Variants in HECW1 observed in about 807,000 individuals in gnomAD.
The protein encoded by HECW1 is HECT, C2 and WW domain containing E3 ubiquitin protein ligase 1.
In HECW1, 61 loss-of-function variants were observed where a neutral mutation model predicts 182.3. The ratio of observed to expected loss-of-function variants is 0.33; its 90% CI spans 0.27 to 0.41. HECW1 has a LOEUF of 0.41. Among genes scored for constraint, HECW1 ranks in the 10% least tolerant of loss-of-function variants. The pLI is 1.00. For synonymous variants in HECW1, 859 were observed against 832.6 expected (o/e 1.03, Z -0.55); for missense variants, 1,739 against 2,108.9 (o/e 0.82, Z 3.44).
intron 2 of HECW1, among the ~76,000 whole-genome samples, chr7:43,133,070 G>A (rs1787134785): frequency 6.6e-6 from 1 of 151,984 alleles, no homozygotes; most frequent in South Asian, 2.1e-4. Context: ...GTTAACTAGT[G>A]CGTTTTTTCC....
chr7:43,307,927 CATAT>C (rs200897031), intron 3 of HECW1, among the ~76,000 whole-genome samples: 2 of 133,764 alleles, frequency 1.5e-5, no homozygotes, highest in African/African-American at 2.8e-5. Flanking sequence ...TACACACACA[CATAT>C]AGTGAAATGT....
chr7:43,380,799 G>A (rs1202645326), intron 6 of HECW1, among the ~76,000 whole-genome samples: 1 of 152,154 alleles, frequency 6.6e-6, no homozygotes, highest in Non-Finnish European at 1.5e-5. Flanking sequence ...GAAGTGCTGG[G>A]ATTACAGGCA....
At chr7:43,119,578 T>G (rs1203975509) in intron 2 of HECW1, among the ~76,000 whole-genome samples, 1 of 152,200 alleles carries the variant, frequency 6.6e-6, no homozygotes, top group Non-Finnish European at 1.5e-5. Flanking sequence ...GTTTATTTCG[T>G]CAGCCCTGAC....
At chr7:43,349,103 C>T (rs987232315) in intron 5 of HECW1, among the ~76,000 whole-genome samples, 4 of 152,122 alleles carry the variant, frequency 2.6e-5, no homozygotes, top group Admixed American at 1.3e-4. Flanking sequence ...GGCGCACTCT[C>T]GGCTCACTGC....
At chr7:43,248,644 C>A in intron 3 of HECW1, 1 of 153,306 alleles carries the variant, frequency 6.5e-6, no homozygotes, top group South Asian at 1.8e-4. Flanking sequence ...TTGGAACCTC[C>A]ATTGTAAGGC....
chr7:43,177,507 A>G (rs890054105), intron 2 of HECW1, among the ~76,000 whole-genome samples: 2 of 152,196 alleles, frequency 1.3e-5, no homozygotes, highest in Non-Finnish European at 2.9e-5. Flanking sequence ...GCTGTCTTCC[A>G]GCCAGGGTTT....
intron 5 of HECW1, among the ~76,000 whole-genome samples, chr7:43,333,296 C>G (rs924150088): frequency 1.3e-5 from 2 of 152,138 alleles, no homozygotes; most frequent in Non-Finnish European, 2.9e-5. Context: ...CCAGATGATC[C>G]CAAGTGGGGA....
At chr7:43,335,839 G>A (rs1252048073) in intron 5 of HECW1, among the ~76,000 whole-genome samples, 1 of 129,608 alleles carries the variant, frequency 7.7e-6, no homozygotes, top group African/African-American at 3.0e-5. Context: ...TTTCTCCCTT[G>A]ACTCCCTTTC....
intron 24 of HECW1, among the ~76,000 whole-genome samples, chr7:43,520,938 T>C (rs1051738161): frequency 6.6e-6 from 1 of 152,226 alleles, no homozygotes; most frequent in African/African-American, 2.4e-5. Flanking sequence ...GTTTGCCCTC[T>C]GCAGCCAGCG....
chr7:43,445,281 C>T lies in HECW1; in HGVS notation c.2109C>T (p.Tyr703=). 6.2e-7 allele frequency: 1 copy of T among 1,612,894 alleles called. No individual in the cohort carries two copies. Among genetic ancestry groups the T allele is most frequent in the Non-Finnish European group, 8.5e-7 (1 of 1,179,224 alleles). Reference sequence around the variant, plus strand: ...GCTCGTGCTACAGCGCCTCGTGCTACAGCCCCTCCTGCTACAACGGCAACA... The same window carrying T: ...GCTCGTGCTACAGCGCCTCGTGCTATAGCCCCTCCTGCTACAACGGCAACA... ...YSSSCYSASC[Y]SPSCYNGNRF... Residue 703 remains tyrosine, a synonymous_variant, in exon 11 of 30, where the codon TAC becomes TAT. Coordinates refer to ENST00000395891, the MANE Select transcript of HECW1 (RefSeq NM_015052.5).
chr7:43,365,084 C>T (rs1403946919), intron 6 of HECW1, among the ~76,000 whole-genome samples: 1 of 152,228 alleles, frequency 6.6e-6, no homozygotes, highest in Non-Finnish European at 1.5e-5. Flanking sequence ...TGAGTTTTCA[C>T]ATCCTCCTCT....
At chr7:43,166,622 G>A (rs1188529681) in intron 2 of HECW1, among the ~76,000 whole-genome samples, 1 of 152,122 alleles carries the variant, frequency 6.6e-6, no homozygotes, top group Non-Finnish European at 1.5e-5. Context: ...ATTTCACATT[G>A]TACAGTATAC....
chr7:43,333,314 G>C (rs74557687), intron 5 of HECW1, among the ~76,000 whole-genome samples: 2,041 of 152,324 alleles, frequency 0.013, 44 homozygotes, highest in African/African-American at 0.046. Flanking sequence ...GGAGCTCAGT[G>C]TGCCTCCTAT....
At chr7:43,308,203 AT>A (rs1284573710) in intron 3 of HECW1, among the ~76,000 whole-genome samples, 3 of 100,694 alleles carry the variant, frequency 3.0e-5, no homozygotes, top group Non-Finnish European at 5.4e-5. Context: ...ATTTATATAT[AT>A]TTTTATATAT....
chr7:43,466,975 T>C (rs533558106), intron 15 of HECW1, among the ~76,000 whole-genome samples: 2 of 152,252 alleles, frequency 1.3e-5, no homozygotes, highest in Non-Finnish European at 2.9e-5. Context: ...TTCCTTTTGA[T>C]ATGGTTTTTT....
intron 5 of HECW1, among the ~76,000 whole-genome samples, chr7:43,326,714 T>C (rs529998234): frequency 1.2e-4 from 18 of 152,352 alleles, no homozygotes; most frequent in South Asian, 1.0e-3. Flanking sequence ...TTGGTGACAA[T>C]TGAGACATGA....
chr7:43,536,016 A>T (rs4724214), intron 24 of HECW1, among the ~76,000 whole-genome samples: 1 of 152,118 alleles, frequency 6.6e-6, no homozygotes, highest in East Asian at 1.9e-4. Context: ...CAAACCACAG[A>T]GTTGTGGTTT....
chr7:43,347,949 A>G (rs375289675), intron 5 of HECW1, among the ~76,000 whole-genome samples: 5 of 152,246 alleles, frequency 3.3e-5, no homozygotes, highest in Non-Finnish European at 5.9e-5. Flanking sequence ...TTTAGCATCT[A>G]TGTTCATCAA....
chr7:43,279,127 A>G (rs1280845579), intron 3 of HECW1, among the ~76,000 whole-genome samples: 2 of 152,178 alleles, frequency 1.3e-5, no homozygotes, highest in African/African-American at 2.4e-5. Context: ...CAGATTCAAC[A>G]TTTGGTGTGG....
Sources: gnomAD v4.1 joint callset for allele counts (sites outside exome capture counted in the v4.1 genomes callset) on GRCh38, gnomAD v4.1.1 for gene constraint, MANE v1.5 for transcripts, NCBI Gene and HGNC (gene_info 2026-07-23, HGNC 2026-07-21) for gene names.